Variants in ITFG1 observed in about 807,000 individuals in gnomAD.
The protein encoded by ITFG1 is integrin alpha FG-GAP repeat containing 1.
Under a neutral mutation model 81.8 loss-of-function variants are expected in ITFG1, and 34 were observed. The observed-to-expected ratio is 0.42, with a 90% confidence interval of 0.32 to 0.55. The LOEUF (loss-of-function observed/expected upper bound fraction) is 0.55. Among genes scored for constraint, ITFG1 ranks in the 20% least tolerant of loss-of-function variants. The probability of loss-of-function intolerance (pLI) is 0.17; values close to 1 mark genes in which losing one functional copy is unlikely to be tolerated. For synonymous variants in ITFG1, 285 were observed against 270.6 expected (o/e 1.05, Z -0.52); for missense variants, 672 against 755.4 (o/e 0.89, Z 1.29).
intron 6 of ITFG1, among the ~76,000 whole-genome samples, chr16:47,416,007 T>C (rs985219125): frequency 1.3e-5 from 2 of 151,968 alleles, no homozygotes; most frequent in African/African-American, 2.4e-5. Flanking sequence ...GGCAGGAGAA[T>C]CCCTTGAACC....
chr16:47,396,255 G>A (rs1968591775), intron 6 of ITFG1: 1 of 726,108 alleles, frequency 1.4e-6, no homozygotes, highest in Non-Finnish European at 1.7e-6. Flanking sequence ...GCTGTTAGCT[G>A]TTGCTAAAAT....
intron 6 of ITFG1, among the ~76,000 whole-genome samples, chr16:47,396,974 G>A (rs1968601649): frequency 6.6e-6 from 1 of 152,178 alleles, no homozygotes; most frequent in South Asian, 2.1e-4. Context: ...TTAGACAACT[G>A]TCCAGAAGAT....
intron 13 of ITFG1, among the ~76,000 whole-genome samples, chr16:47,220,251 C>A (rs747301748): frequency 1.3e-5 from 2 of 152,164 alleles, no homozygotes; most frequent in African/African-American, 2.4e-5. Flanking sequence ...CCTGGGGGTC[C>A]CAAAATACCT....
intron 2 of ITFG1, among the ~76,000 whole-genome samples, chr16:47,454,979 T>C (rs1969433907): frequency 6.6e-6 from 1 of 152,170 alleles, no homozygotes; most frequent in Admixed American, 6.5e-5. Flanking sequence ...TCCCTCTCAC[T>C]CAGCAAGGTA....
At chr16:47,176,314 A>G (rs950955716) in intron 14 of ITFG1, among the ~76,000 whole-genome samples, 1 of 152,210 alleles carries the variant, frequency 6.6e-6, no homozygotes, top group Non-Finnish European at 1.5e-5. Context: ...TGACTGTTAA[A>G]TTACATTTTT....
At chr16:47,302,783 C>T (rs529697211) in intron 10 of ITFG1, among the ~76,000 whole-genome samples, 35 of 152,172 alleles carry the variant, frequency 2.3e-4, no homozygotes, top group Non-Finnish European at 4.6e-4. Context: ...TAAGCCAGGC[C>T]TTTAAAGCAA....
At chr16:47,174,269 C>T (rs1318819583) in intron 14 of ITFG1, among the ~76,000 whole-genome samples, 1 of 152,090 alleles carries the variant, frequency 6.6e-6, no homozygotes, top group African/African-American at 2.4e-5. Flanking sequence ...GCCAACTTTG[C>T]TGTCTACAAA....
intron 6 of ITFG1, among the ~76,000 whole-genome samples, chr16:47,418,085 C>A (rs1968896335): frequency 6.6e-6 from 1 of 151,990 alleles, no homozygotes; most frequent in South Asian, 2.1e-4. Flanking sequence ...ATTTGAATAA[C>A]AATGAGATAT....
chr16:47,428,182 G>C (rs1969047804), intron 6 of ITFG1, among the ~76,000 whole-genome samples: 1 of 152,100 alleles, frequency 6.6e-6, no homozygotes, highest in East Asian at 1.9e-4. Flanking sequence ...AAAATGATCT[G>C]GCAGTTTTAA....
chr16:47,322,257 C>A (rs115612046), intron 8 of ITFG1, among the ~76,000 whole-genome samples: 1 of 152,064 alleles, frequency 6.6e-6, no homozygotes, highest in African/African-American at 2.4e-5. Flanking sequence ...GACATAGTAA[C>A]GCTGGAAAGT....
chr16:47,232,243 A>G (rs1965823353), intron 13 of ITFG1, among the ~76,000 whole-genome samples: 1 of 152,262 alleles, frequency 6.6e-6, no homozygotes, highest in Non-Finnish European at 1.5e-5. Context: ...CAGCAGTGAT[A>G]GGAAACTTAC....
chr16:47,324,883 T>A lies in ITFG1; in HGVS notation c.803-11060A>T, dbSNP rs1158938437. 7.2e-5 allele frequency among the ~76,000 whole-genome samples: 11 copies of A among 152,194 alleles called. No individual in the cohort carries two copies. The East Asian group carries it at 2.1e-3, about 29-fold the overall frequency. On this transcript the variant is annotated intron_variant, in intron 8 of 17. Coordinates refer to ENST00000320640, the MANE Select transcript of ITFG1 (RefSeq NM_030790.5). ...GACTTAGACTCCCACACAATAATAA[T>A]GGGAGACTTTAACACCCCACTGTCA... is the stretch of plus-strand genomic sequence containing the variant.
chr16:47,303,241 A>C (rs1967105248), intron 10 of ITFG1, among the ~76,000 whole-genome samples: 1 of 152,158 alleles, frequency 6.6e-6, no homozygotes, highest in Non-Finnish European at 1.5e-5. Flanking sequence ...ACTGCACTCC[A>C]GCCTGGATGA....
chr16:47,263,597 A>G (rs1294367755), intron 10 of ITFG1: 1 of 199,874 alleles, frequency 5.0e-6, no homozygotes, highest in African/African-American at 2.4e-5. Context: ...GGGGTCTTCA[A>G]CTGTATCAAT....
chr16:47,290,625 C>A (rs1392027661), intron 10 of ITFG1, among the ~76,000 whole-genome samples: 2 of 152,102 alleles, frequency 1.3e-5, no homozygotes, highest in Non-Finnish European at 1.5e-5. Flanking sequence ...TGTAGCGATA[C>A]CAGCTCAATT....
At chr16:47,275,044 T>A (rs545443348) in intron 10 of ITFG1, among the ~76,000 whole-genome samples, 1 of 152,338 alleles carries the variant, frequency 6.6e-6, no homozygotes, top group African/African-American at 2.4e-5. Context: ...ATTTTGAAAG[T>A]GTGGCTAACA....
At chr16:47,347,279 G>A (rs1420765036) in intron 8 of ITFG1, among the ~76,000 whole-genome samples, 1 of 152,270 alleles carries the variant, frequency 6.6e-6, no homozygotes, top group Non-Finnish European at 1.5e-5. Flanking sequence ...AGGGGTAAGG[G>A]AATTCCCTTT....
chr16:47,200,859 A>C (rs1280948062), intron 14 of ITFG1, among the ~76,000 whole-genome samples: 1 of 152,224 alleles, frequency 6.6e-6, no homozygotes, highest in Non-Finnish European at 1.5e-5. Context: ...CTGATGTCTG[A>C]GAATCATTAT....
In ITFG1 at chr16:47,335,174, T is replaced by C. The variant is rs1275236818; in HGVS notation, c.803-21351A>G. 3.9e-5 allele frequency among the ~76,000 whole-genome samples: 6 copies of C among 152,086 alleles called. No homozygotes were observed. The East Asian group carries it at 1.2e-3, about 29-fold the overall frequency. ...GAGTTCAAGACCAACCTGGCCAACATGGTGAAACCCTGTCTCTACTAAAAA... is the reference window on the plus strand; with the variant it reads ...GAGTTCAAGACCAACCTGGCCAACACGGTGAAACCCTGTCTCTACTAAAAA... On this transcript the variant is annotated intron_variant, in intron 8 of 17. Coordinates refer to ENST00000320640, the MANE Select transcript of ITFG1 (RefSeq NM_030790.5).
Sources: allele counts gnomAD v4.1 joint callset (sites outside exome capture counted in the v4.1 genomes callset), GRCh38; gene constraint gnomAD v4.1.1; transcripts MANE v1.5; gene names NCBI Gene and HGNC (gene_info 2026-07-23, HGNC 2026-07-21).